DAGLA: variants seen among roughly 807,000 people sequenced by gnomAD.
DAGLA encodes the protein diacylglycerol lipase alpha.
A neutral mutation model predicts 102.6 loss-of-function variants in DAGLA; 22 were observed. The ratio of observed to expected loss-of-function variants is 0.21; its 90% confidence interval spans 0.15 to 0.31. The LOEUF (loss-of-function observed/expected upper bound fraction) is 0.31. Ranked by LOEUF, DAGLA falls within the 10% of genes least tolerant of loss-of-function variation. The pLI, the probability that DAGLA is intolerant of heterozygous loss-of-function variation, is 1.00. For missense variants in DAGLA, 927 were observed against 1,446.6 expected, an observed-to-expected ratio of 0.64 and a Z score of 5.83; for synonymous variants, 578 against 628.9, an observed-to-expected ratio of 0.92 and a Z score of 1.21.
At position 61,731,435 on chromosome 11, in the gene DAGLA, C is replaced by G. The variant is rs1565261104; in HGVS notation, c.968C>G (p.Ser323Cys). 3.1e-6 allele frequency: 5 copies of G among 1,613,526 alleles called. No homozygotes were observed. Among genetic ancestry groups the G allele is most frequent in the Non-Finnish European group, 4.2e-6 (5 of 1,179,980 alleles). ...TGCGGCCTCTGCCAACTGGCTCGGT[C>G]CTGCTCGTGAGTACCCCTGTCCCAT... ...PACGLCQLAR[S>C]CSCCLCPARP... Residue 323 changes from serine to cysteine, a missense_variant, in exon 9 of 20, where the codon TCC becomes TGC. This residue lies in a region of DAGLA where 44 missense variants were observed against 44.0 expected (regional missense o/e 1.00). Coordinates refer to ENST00000257215, the MANE Select transcript of DAGLA (RefSeq NM_006133.3).
rs377549864 is a variant in DAGLA at position 61,687,415 on chromosome 11, C to A, written c.-45+6911C>A. Among the ~76,000 whole-genome samples the A allele has an allele frequency of 1.3e-3, 199 of 152,274 alleles. 1 individual carries two copies. The highest frequency in any genetic ancestry group is 4.6e-3 in the African/African-American group (193 of 41,552). ...TGGTGTGATCTCAGCTCACTGCAAC[C>A]TCCGCCTCCTGGTTCAAGTGATTCT... On this transcript the variant is annotated intron_variant, in intron 1 of 19. Transcript: ENST00000257215.
chr11:61,718,750 G>A (rs1254552726), intron 1 of DAGLA, among the ~76,000 whole-genome samples: 1 of 152,156 alleles, frequency 6.6e-6, no homozygotes, highest in Non-Finnish European at 1.5e-5. Flanking sequence ...CACGACCCCG[G>A]CAGGCTAGCC....
chr11:61,743,934 G>A lies in DAGLA; in HGVS notation c.2574G>A (p.Ala858=), dbSNP rs778224743. 1.4e-5 allele frequency: 22 copies of A among 1,612,066 alleles called. No homozygotes were observed. Among genetic ancestry groups the A allele is most frequent in the South Asian group, 3.3e-5 (3 of 91,062 alleles). ...KHSQDTQPLE[A]ALGSGGVTPE... ...CACAGGACACGCAGCCCCTGGAGGCGGCCCTGGGCAGTGGCGGCGTCACTC... is the reference window on the plus strand; with the variant it reads ...CACAGGACACGCAGCCCCTGGAGGCAGCCCTGGGCAGTGGCGGCGTCACTC... Residue 858 remains alanine, a synonymous_variant, in exon 20 of 20, where the codon GCG becomes GCA. Coordinates refer to ENST00000257215, the MANE Select transcript of DAGLA (RefSeq NM_006133.3).
At chr11:61,736,713 A>G (rs527821496) in intron 13 of DAGLA, among the ~76,000 whole-genome samples, 4 of 152,280 alleles carry the variant, frequency 2.6e-5, no homozygotes, top group South Asian at 2.1e-4. Context: ...CTAGGGGGGA[A>G]CTGAGTCCTG....
In DAGLA at chr11:61,734,757, C is replaced by T. The variant is rs555591021; in HGVS notation, c.975-92C>T. The T allele has an allele frequency of 6.8e-6, 9 of 1,332,296 alleles. No individual in the cohort carries two copies. The East Asian group carries it at 9.4e-5, about 14-fold the overall frequency. 82.5% of individuals were successfully genotyped at this position (1,332,296 alleles called of 1,614,324 possible). ...TTGGTAGAGGCAGTGGGGCTGAATG[C>T]CCAACTGGAACTGGTTCCAGGGACA... is the stretch of plus-strand genomic sequence containing the variant. On this transcript the variant is annotated intron_variant, in intron 9 of 19. Coordinates refer to ENST00000257215, the MANE Select transcript of DAGLA (RefSeq NM_006133.3). The surrounding 1 kb of genome is among the most constrained non-coding windows in gnomAD (Gnocchi z 4.2).
At chr11:61,736,160 C>T in intron 12 of DAGLA, 110 bp from the exon 13 acceptor site, 2 of 903,350 alleles carry the variant, frequency 2.2e-6, no homozygotes, top group Middle Eastern at 2.3e-4. Context: ...TGTCACGAGG[C>T]CCAAAGGGAA....
At position 61,725,972 on chromosome 11, in the gene DAGLA, A is replaced by G. The variant is rs1199242171; in HGVS notation, c.549-23A>G. 6.8e-6 allele frequency: 11 copies of G among 1,610,608 alleles called. No homozygotes were observed. The African/African-American group carries it at 8.0e-5, about 12-fold the overall frequency. On this transcript the variant is annotated intron_variant, in intron 5 of 19. Coordinates refer to ENST00000257215, the MANE Select transcript of DAGLA (RefSeq NM_006133.3). ...CTGGTCCAGCCCTCTGACCTCACAC[A>G]TACCGCCTCTCCTGCTTTGCAGGCA...
intron 2 of DAGLA, 66 bp from the exon 3 acceptor site, chr11:61,720,613 C>G (rs1278094368): frequency 2.7e-6 from 4 of 1,487,626 alleles, no homozygotes; most frequent in East Asian, 4.6e-5. Flanking sequence ...GAAGGGCCTG[C>G]CTGCTAGTAG....
intron 1 of DAGLA, among the ~76,000 whole-genome samples, chr11:61,691,936 A>T (rs2065027659): frequency 6.6e-6 from 1 of 152,110 alleles, no homozygotes; most frequent in South Asian, 2.1e-4. Context: ...CTTGTGACAG[A>T]CTCAGCATCG....
At chr11:61,685,824 G>A (rs1268412170) in intron 1 of DAGLA, among the ~76,000 whole-genome samples, 1 of 152,026 alleles carries the variant, frequency 6.6e-6, no homozygotes, top group Non-Finnish European at 1.5e-5. Flanking sequence ...GCGGGTTGGC[G>A]GGGTGACTGG....
At chr11:61,696,198 GGGCGCCAGT>G (rs1388053155) in intron 1 of DAGLA, among the ~76,000 whole-genome samples, 1 of 152,226 alleles carries the variant, frequency 6.6e-6, no homozygotes, top group Non-Finnish European at 1.5e-5. Flanking sequence ...CACCAGCGGT[GGGCGCCAGT>G]GCCGGGATTT....
chr11:61,715,647 C>T (rs571535324), intron 1 of DAGLA, among the ~76,000 whole-genome samples: 12 of 152,348 alleles, frequency 7.9e-5, no homozygotes, highest in African/African-American at 1.9e-4. Context: ...GCAGGCTCCT[C>T]GGTCAGGGCT....
chr11:61,731,569 CA>C (rs2065375436), intron 9 of DAGLA, 128 bp downstream of exon 9: 1 of 1,275,826 alleles, frequency 7.8e-7, no homozygotes, highest in African/African-American at 1.5e-5. Flanking sequence ...CTCTGGGCCT[CA>C]ACCTTTCTAG....
chr11:61,724,027 G>A (rs1260479541), intron 5 of DAGLA, among the ~76,000 whole-genome samples: 2 of 152,214 alleles, frequency 1.3e-5, no homozygotes, highest in African/African-American at 4.8e-5. Flanking sequence ...AGGTTACACA[G>A]CTAGAAAATG....
chr11:61,738,247 A>C, intron 16 of DAGLA, 40 bp downstream of exon 16: 56 of 1,542,792 alleles, frequency 3.6e-5, no homozygotes, highest in Non-Finnish European at 4.5e-5. Flanking sequence ...GTGCAGCCTC[A>C]TCTGTCCCTG....
rs73485475 is a variant in DAGLA, at chr11:61,741,456, C to T, written c.2171+107C>T. 1.3e-3 allele frequency: 1,677 copies of T among 1,267,108 alleles called. 19 individuals are homozygous for T. The African/African-American group carries it at 0.023, about 17-fold the overall frequency. 78.5% of individuals were successfully genotyped at this position (1,267,108 alleles called of 1,614,324 possible). On this transcript the variant is annotated intron_variant, in intron 19 of 19. Coordinates refer to ENST00000257215, the MANE Select transcript of DAGLA (RefSeq NM_006133.3). ...CATGCACTGGGCTCAGCTCTGCACA[C>T]GTGCACAGGAGGGGTCAAACTCACC...
At position 61,722,878 on chromosome 11, in the gene DAGLA, C is replaced by A; in HGVS notation, c.327C>A (p.Phe109Leu). 6.2e-7 allele frequency: 1 copy of A among 1,614,154 alleles called. No individual in the cohort carries two copies. The highest frequency in any genetic ancestry group is 1.1e-5 in the South Asian group (1 of 91,080). ...TTGCAGCCATCCTGGTGATCGAGTT[C>A]ATCTACGCCATCGTGGGCATCGTCT... Reference protein sequence around the residue: ...YVRLAILVIEFIYAIVGIVWL... With the variant: ...YVRLAILVIELIYAIVGIVWL... Residue 109 changes from phenylalanine to leucine, a missense_variant, in exon 4 of 20, where the codon TTC becomes TTA. Physicochemically the swap from Phe to Leu is conservative, Grantham distance 22. This residue lies in a region of DAGLA where 231 missense variants were observed against 439.8 expected (regional missense o/e 0.53). Coordinates refer to ENST00000257215, the MANE Select transcript of DAGLA (RefSeq NM_006133.3).
intron 14 of DAGLA, 139 bp downstream of exon 14, chr11:61,737,463 T>C: frequency 7.7e-7 from 1 of 1,294,082 alleles, no homozygotes; most frequent in Non-Finnish European, 1.1e-6. Context: ...GGGTGGAGGG[T>C]GGGGGCTCTG....
intron 4 of DAGLA, among the ~76,000 whole-genome samples, 194 bp downstream of exon 4, chr11:61,723,154 CA>C (rs1391870453): frequency 1.3e-5 from 2 of 152,186 alleles, no homozygotes; most frequent in Non-Finnish European, 2.9e-5. Flanking sequence ...TGGGCTGCAG[CA>C]GGCACAGAGC....
Sources: gnomAD v4.1 joint callset for allele counts (sites outside exome capture counted in the v4.1 genomes callset) on GRCh38, gnomAD v4.1.1 for gene constraint, gnomAD v4.1.1 regional missense constraint, Gnocchi (gnomAD v3.1) non-coding constraint, MANE v1.5 for transcripts, NCBI Gene and HGNC (gene_info 2026-07-23, HGNC 2026-07-21) for gene names.